PDE11A: variants seen among roughly 807,000 people sequenced by gnomAD.
PDE11A encodes the protein dual 3',5'-cyclic-AMP and -GMP phosphodiesterase 11A.
A neutral mutation model predicts 100.5 loss-of-function variants in PDE11A; 100 were observed. The observed-to-expected ratio is 1.00, with a 90% CI of 0.85 to 1.18. The LOEUF (loss-of-function observed/expected upper bound fraction) is 1.18, where lower values mean the gene tolerates loss of function less well. PDE11A is among the 50% of genes most tolerant of loss of function. PDE11A has a pLI of 0.00. For synonymous variants in PDE11A, 381 were observed against 420.8 expected (o/e 0.91, Z 1.16); for missense variants, 1,141 against 1,152.6 (o/e 0.99, Z 0.15).
intron 5 of PDE11A, among the ~76,000 whole-genome samples, chr2:177,848,005 T>G (rs564043425): frequency 6.6e-6 from 1 of 152,302 alleles, no homozygotes; most frequent in South Asian, 2.1e-4. Context: ...TGTGTGTGTG[T>G]GTGTGTAGCC....
chr2:177,695,884 C>A (rs117073008), intron 15 of PDE11A, among the ~76,000 whole-genome samples: 2 of 152,058 alleles, frequency 1.3e-5, no homozygotes, highest in Non-Finnish European at 2.9e-5. Context: ...CATTTCAAAG[C>A]GAATGGCACA....
At chr2:177,762,010 C>T (rs1156548646) in intron 10 of PDE11A, among the ~76,000 whole-genome samples, 2 of 152,158 alleles carry the variant, frequency 1.3e-5, no homozygotes, top group East Asian at 3.9e-4. Context: ...GGGTCAACAG[C>T]AGGAGGCGGG....
chr2:177,778,917 C>G (rs1362609902), intron 9 of PDE11A, among the ~76,000 whole-genome samples: 1 of 151,808 alleles, frequency 6.6e-6, no homozygotes, highest in Non-Finnish European at 1.5e-5. Context: ...CCTTCAGAAT[C>G]GATCATAAAA....
chr2:177,795,368 G>C (rs1250816285), intron 9 of PDE11A, among the ~76,000 whole-genome samples: 2 of 152,144 alleles, frequency 1.3e-5, no homozygotes, highest in Non-Finnish European at 2.9e-5. Context: ...TCTGCTCTGG[G>C]CCCAACACCT....
chr2:178,067,136 T>C (rs970899498), intron 1 of PDE11A, among the ~76,000 whole-genome samples: 2 of 152,194 alleles, frequency 1.3e-5, no homozygotes, highest in African/African-American at 2.4e-5. Context: ...TGTCTCCTTC[T>C]GCCCATTCCC....
intron 2 of PDE11A, among the ~76,000 whole-genome samples, chr2:177,968,124 C>T (rs2085721890): frequency 6.6e-6 from 1 of 152,128 alleles, no homozygotes; most frequent in Admixed American, 6.5e-5. Context: ...GGTGCTAATT[C>T]TTATTTATCC....
intron 19 of PDE11A, among the ~76,000 whole-genome samples, chr2:177,659,723 T>A (rs2105472338): frequency 6.6e-6 from 1 of 152,342 alleles, no homozygotes; most frequent in South Asian, 2.1e-4. Context: ...TGTTTATCCC[T>A]AAGGCTGGTG....
intron 2 of PDE11A, among the ~76,000 whole-genome samples, chr2:178,098,980 A>G (rs1464564845): frequency 6.6e-6 from 1 of 152,228 alleles, no homozygotes; most frequent in African/African-American, 2.4e-5. Context: ...ATTTATTAGC[A>G]TAGAATCCTG....
intron 18 of PDE11A, among the ~76,000 whole-genome samples, chr2:177,665,404 C>T (rs920562787): frequency 6.7e-6 from 1 of 149,728 alleles, no homozygotes; most frequent in Admixed American, 6.7e-5. Flanking sequence ...TGCTTAAGCC[C>T]AAGATGTCGA....
intron 2 of PDE11A, among the ~76,000 whole-genome samples, chr2:177,971,723 CA>C (rs1301700152): frequency 6.6e-6 from 1 of 152,020 alleles, no homozygotes; most frequent in African/African-American, 2.4e-5. Flanking sequence ...GTAAGGTCAC[CA>C]GGGTATTTCT....
intron 10 of PDE11A, among the ~76,000 whole-genome samples, chr2:177,768,777 C>T (rs1287951531): frequency 1.3e-5 from 2 of 152,194 alleles, no homozygotes; most frequent in African/African-American, 4.8e-5. Flanking sequence ...GATTGTCATA[C>T]GTCTTACAAT....
chr2:177,966,022 C>T (rs1337470702), intron 2 of PDE11A, among the ~76,000 whole-genome samples: 1 of 152,034 alleles, frequency 6.6e-6, no homozygotes, highest in Non-Finnish European at 1.5e-5. Flanking sequence ...TTTGTTGTCT[C>T]TGATTTTTTT....
chr2:177,697,361 T>C lies in PDE11A; in HGVS notation c.2316A>G (p.Ile772Met). The C allele has an allele frequency of 4.4e-6, 7 of 1,593,698 alleles. No homozygotes were observed. The highest frequency in any genetic ancestry group is 6.0e-6 in the Non-Finnish European group (7 of 1,161,550). The change falls in exon 15 of 20, where the codon ATA (isoleucine) becomes ATG (methionine). Residue 772 changes from isoleucine (I) to methionine (M), a missense_variant. Coordinates refer to ENST00000286063, the MANE Select transcript of PDE11A (RefSeq NM_016953.4). ...SDLMQLLKQS[I>M]LATDLTLYFE... ...AGTACAGCGTGAGGTCTGTTGCCAATATTGACTGCTTCAAAAGCTGCATAA... is the reference window on the plus strand; with the variant it reads ...AGTACAGCGTGAGGTCTGTTGCCAACATTGACTGCTTCAAAAGCTGCATAA...
intron 2 of PDE11A, among the ~76,000 whole-genome samples, chr2:177,959,867 C>A (rs1387808447): frequency 6.6e-6 from 1 of 151,986 alleles, no homozygotes; most frequent in South Asian, 2.1e-4. Context: ...GTAATGCCTT[C>A]AAAATTTTCG....
intron 19 of PDE11A, among the ~76,000 whole-genome samples, chr2:177,657,662 A>T (rs1253403133): frequency 6.6e-6 from 1 of 151,520 alleles, no homozygotes; most frequent in African/African-American, 2.4e-5. Flanking sequence ...GAGAGGAGAA[A>T]GAGAGAGGGG....
rs147872582 is a variant in PDE11A, at chr2:177,727,688, G to A, written c.2013C>T (p.Asn671=). The stretch of plus-strand genomic sequence containing the variant: ...ACATCGCGAACATCAGCTGACACAC[G>A]TTGAAGGCATGTCTCCAGTTGTGGT... ...VLYHNWRHAF[N]VCQLMFAMLT... is the part of the protein sequence containing the mutation. The change falls in exon 12 of 20, where the codon AAC becomes AAT. Residue 671 remains asparagine (N), a synonymous_variant. Coordinates refer to ENST00000286063, the MANE Select transcript of PDE11A (RefSeq NM_016953.4). 1.4e-5 allele frequency: 22 copies of A among 1,608,710 alleles called. No individual in the cohort carries two copies. The highest frequency in any genetic ancestry group is 9.9e-5 in the South Asian group (9 of 90,994).
intron 2 of PDE11A, among the ~76,000 whole-genome samples, chr2:177,938,290 A>C (rs138245403): frequency 1.3e-5 from 2 of 152,182 alleles, no homozygotes; most frequent in Admixed American, 1.3e-4. Context: ...TCACACATGG[A>C]AACTCCACAG....
chr2:177,798,713 A>G (rs750624791), intron 9 of PDE11A, among the ~76,000 whole-genome samples: 1 of 152,224 alleles, frequency 6.6e-6, no homozygotes, highest in Non-Finnish European at 1.5e-5. Flanking sequence ...ATATTGGTGT[A>G]TATATATCCT....
chr2:177,944,938 C>A (rs989312688), intron 2 of PDE11A, among the ~76,000 whole-genome samples: 19 of 150,564 alleles, frequency 1.3e-4, no homozygotes, highest in African/African-American at 4.6e-4. Flanking sequence ...CTGCCTGATT[C>A]TCCTGCCTCA....
Sources: gnomAD v4.1 joint callset for allele counts (sites outside exome capture counted in the v4.1 genomes callset) on GRCh38, gnomAD v4.1.1 for gene constraint, MANE v1.5 for transcripts, NCBI Gene and HGNC (gene_info 2026-07-23, HGNC 2026-07-21) for gene names.